The following KIF6 variants were observed in gnomAD, a reference collection of about 807,000 sequenced individuals.
The protein encoded by KIF6 is kinesin-like protein KIF6.
KIF6 carries 106 observed loss-of-function variants against 112.7 expected under a neutral mutation model. That is an observed-to-expected ratio of 0.94 (90% CI 0.80 to 1.11). The LOEUF is 1.11. KIF6 is among the 50% of genes least tolerant of loss of function. The pLI is 0.00. For synonymous variants in KIF6, 339 were observed against 339.9 expected, an observed-to-expected ratio of 1.00 and a Z score of 0.03; for missense variants, 929 against 964.0, an observed-to-expected ratio of 0.96 and a Z score of 0.48.
intron 10 of KIF6, among the ~76,000 whole-genome samples, chr6:39,561,155 G>A (rs1281961489): frequency 1.3e-5 from 2 of 152,132 alleles, no homozygotes; most frequent in Non-Finnish European, 2.9e-5. Context: ...GGCAGAACCA[G>A]ACCATGAAAG....
intron 10 of KIF6, among the ~76,000 whole-genome samples, chr6:39,560,901 T>C (rs1477616643): frequency 2.6e-5 from 4 of 152,228 alleles, no homozygotes; most frequent in African/African-American, 9.6e-5. Flanking sequence ...TCTCTAAAAT[T>C]TTGTGCTTTG....
chr6:39,681,071 A>G (rs1787482641), intron 3 of KIF6, among the ~76,000 whole-genome samples: 1 of 152,192 alleles, frequency 6.6e-6, no homozygotes, highest in Admixed American at 6.5e-5. Context: ...AAGTAATTCA[A>G]TGCTGAGAAG....
chr6:39,505,967 T>C lies in KIF6; in HGVS notation c.1645+34036A>G, dbSNP rs557943116. ...TAGCAATTCCTCAAAGACCTAGAGG[T>C]AGAAATACCATTTGATCCAGCAATC... is the stretch of plus-strand genomic sequence containing the variant. On this transcript the variant is annotated intron_variant, in intron 13 of 22. Coordinates refer to ENST00000287152, the MANE Select transcript of KIF6 (RefSeq NM_145027.6). Among the ~76,000 whole-genome samples, 6 of 152,164 alleles carry C rather than the reference T, an allele frequency of 3.9e-5. No homozygotes were observed. In the South Asian group the frequency reaches 1.2e-3, roughly 32 times the overall value.
intron 10 of KIF6, among the ~76,000 whole-genome samples, chr6:39,557,326 C>A (rs1373386861): frequency 2.6e-5 from 4 of 151,954 alleles, no homozygotes; most frequent in Non-Finnish European, 5.9e-5. Flanking sequence ...TCATTGAGTT[C>A]TGTATTAATT....
intron 10 of KIF6, among the ~76,000 whole-genome samples, chr6:39,552,631 G>C (rs1779452640): frequency 6.6e-6 from 1 of 152,116 alleles, no homozygotes; most frequent in South Asian, 2.1e-4. Flanking sequence ...TACTATATTT[G>C]TATTTTCAAT....
At chr6:39,719,435 T>C (rs1024777112) in intron 2 of KIF6, among the ~76,000 whole-genome samples, 3 of 152,168 alleles carry the variant, frequency 2.0e-5, no homozygotes, top group Non-Finnish European at 4.4e-5. Context: ...AGGGCCTTTG[T>C]AAAACAGTCT....
At chr6:39,428,244 T>C (rs1014802628) in intron 14 of KIF6, among the ~76,000 whole-genome samples, 2 of 152,224 alleles carry the variant, frequency 1.3e-5, no homozygotes, top group African/African-American at 4.8e-5. Flanking sequence ...GTTGTTTTAA[T>C]ATGAAGCCAG....
At chr6:39,410,856 C>G (rs960117709) in intron 15 of KIF6, among the ~76,000 whole-genome samples, 4 of 152,180 alleles carry the variant, frequency 2.6e-5, no homozygotes, top group Admixed American at 1.3e-4. Flanking sequence ...CTACCTATAC[C>G]CTTTTTAAAA....
In KIF6 at chr6:39,468,929, A is replaced by G. The variant is rs185485760; in HGVS notation, c.1646-37768T>C. Among the ~76,000 whole-genome samples the G allele has an allele frequency of 5.1e-3, 779 of 152,256 alleles. 5 individuals carry two copies. The highest frequency in any genetic ancestry group is 0.017 in the African/African-American group (723 of 41,562). On this transcript the variant is annotated intron_variant, in intron 13 of 22. Transcript: ENST00000287152. ...AACATATAAGTGTAATGTAGTTGTT[A>G]GTAATAGCACAAAGGAGGGGGTGGA... is the stretch of plus-strand genomic sequence containing the variant.
chr6:39,659,885 T>C (rs1029456258), intron 3 of KIF6, among the ~76,000 whole-genome samples: 2 of 152,232 alleles, frequency 1.3e-5, no homozygotes, highest in African/African-American at 2.4e-5. Flanking sequence ...TCTGAATCAG[T>C]AAAATTTCAC....
intron 5 of KIF6, among the ~76,000 whole-genome samples, chr6:39,616,130 G>A (rs564937938): frequency 1.4e-4 from 21 of 152,288 alleles, no homozygotes; most frequent in Non-Finnish European, 2.1e-4. Flanking sequence ...ACTGATTTGC[G>A]ATTATATTTA....
intron 7 of KIF6, among the ~76,000 whole-genome samples, chr6:39,588,042 T>G (rs1781730199): frequency 6.6e-6 from 1 of 152,222 alleles, no homozygotes; most frequent in Non-Finnish European, 1.5e-5. Context: ...ACACTACACT[T>G]TCCTGGTTTT....
intron 13 of KIF6, among the ~76,000 whole-genome samples, chr6:39,529,659 C>T (rs1486713638): frequency 3.3e-5 from 5 of 151,978 alleles, no homozygotes; most frequent in Admixed American, 6.6e-5. Context: ...TGGTGGTGGG[C>T]GCCTGTAGTC....
rs939980605 is a variant in KIF6, at chr6:39,682,683, G to T, written c.251+32009C>A. Among the ~76,000 whole-genome samples, 7 of 152,118 alleles carry T rather than the reference G, an allele frequency of 4.6e-5. No homozygotes were observed. In the East Asian group the frequency reaches 1.4e-3, roughly 29 times the overall value. ...CAACCTCCACCTCCTGGGTTCAAGC[G>T]ATTCTCCTGCCTCAGCCTCCTGAGT... On this transcript the variant is annotated intron_variant, in intron 3 of 22. Transcript: ENST00000287152.
At chr6:39,520,829 T>C (rs1283529609) in intron 13 of KIF6, among the ~76,000 whole-genome samples, 1 of 152,130 alleles carries the variant, frequency 6.6e-6, no homozygotes, top group African/African-American at 2.4e-5. Flanking sequence ...CACACACATA[T>C]ACTAATTATA....
In KIF6 at chr6:39,544,506, C is replaced by T. The variant is rs550224188; in HGVS notation, c.1426+49G>A. On this transcript the variant is annotated intron_variant, in intron 12 of 22. Transcript: ENST00000287152. ...GCTCAGGAAAGACTGCTGTTTACCCCTTTCAAACCAGGATAGAGGAAGTTT... is the reference window on the plus strand; with the variant it reads ...GCTCAGGAAAGACTGCTGTTTACCCTTTTCAAACCAGGATAGAGGAAGTTT... The T allele has an allele frequency of 2.8e-5, 44 of 1,574,242 alleles. No individual in the cohort carries two copies. In the African/African-American group the frequency reaches 6.0e-4, roughly 22 times the overall value.
chr6:39,606,848 C>A (rs1215058100), intron 6 of KIF6, among the ~76,000 whole-genome samples: 2 of 152,152 alleles, frequency 1.3e-5, no homozygotes, highest in African/African-American at 4.8e-5. Flanking sequence ...TCACTCTAAC[C>A]AAAAGATCAT....
At chr6:39,368,522 T>C (rs1765739020) in intron 16 of KIF6, among the ~76,000 whole-genome samples, 1 of 152,152 alleles carries the variant, frequency 6.6e-6, no homozygotes, top group Non-Finnish European at 1.5e-5. Context: ...TATTTGAAGG[T>C]GTTGCTCTTT....
chr6:39,415,549 T>C (rs961360006), intron 15 of KIF6, among the ~76,000 whole-genome samples: 1 of 152,184 alleles, frequency 6.6e-6, no homozygotes, highest in Admixed American at 6.5e-5. Context: ...TCCTTGTAAT[T>C]TGGAGCTGGC....
Sources: allele counts gnomAD v4.1 joint callset (sites outside exome capture counted in the v4.1 genomes callset), GRCh38; gene constraint gnomAD v4.1.1; transcripts MANE v1.5; gene names NCBI Gene and HGNC (gene_info 2026-07-23, HGNC 2026-07-21).